The following C6orf89 variants were observed in gnomAD, a reference collection of about 807,000 sequenced individuals.
C6orf89 encodes bombesin receptor-activated protein C6orf89.
A neutral mutation model predicts 40.7 loss-of-function variants in C6orf89; 29 were observed. The ratio of observed to expected loss-of-function variants is 0.71; its 90% CI spans 0.53 to 0.97. The LOEUF is 0.97. Among genes scored for constraint, C6orf89 ranks in the 50% least tolerant of loss-of-function variants. The pLI is 0.00. For missense variants in C6orf89, 392 were observed against 429.1 expected (o/e 0.91, Z 0.76); for synonymous variants, 165 against 152.2 (o/e 1.08, Z -0.62).
At chr6:36,912,012 A>G (rs1382361065) in intron 4 of C6orf89, among the ~76,000 whole-genome samples, 1 of 141,594 alleles carries the variant, frequency 7.1e-6, no homozygotes, top group East Asian at 2.1e-4. Flanking sequence ...TCTCTCTTCT[A>G]GGGCACCCTA....
At chr6:36,905,284 C>T (rs1298102542) in intron 4 of C6orf89, among the ~76,000 whole-genome samples, 1 of 152,184 alleles carries the variant, frequency 6.6e-6, no homozygotes, top group Non-Finnish European at 1.5e-5. Context: ...GATTTGAACC[C>T]AGGCAGCCAG....
intron 1 of C6orf89, among the ~76,000 whole-genome samples, chr6:36,876,586 T>C (rs976637004): frequency 6.6e-6 from 1 of 152,002 alleles, no homozygotes; most frequent in Non-Finnish European, 1.5e-5. Context: ...AAGCTGGGCA[T>C]AGTGGTGCAT....
At chr6:36,915,159 A>T (rs1295877912) in intron 6 of C6orf89, among the ~76,000 whole-genome samples, 1 of 152,184 alleles carries the variant, frequency 6.6e-6, no homozygotes, top group Non-Finnish European at 1.5e-5. Flanking sequence ...GATAAAAGGG[A>T]TGGATGAAGA....
chr6:36,928,394 G>C lies in C6orf89; in HGVS notation c.*4953G>C, dbSNP rs186674707. On this transcript the variant is annotated 3_prime_UTR_variant, in exon 9 of 9. Coordinates refer to ENST00000480824, the MANE Select transcript of C6orf89 (RefSeq NM_001286635.2). Reference sequence around the variant, plus strand: ...CCCACAGCAGCTCCTTGGGGCAGGGGGCTCACCTGTGCAGCCACCCTTACT... The same window carrying C: ...CCCACAGCAGCTCCTTGGGGCAGGGCGCTCACCTGTGCAGCCACCCTTACT... 6.6e-6 allele frequency: 1 copy of C among 152,572 alleles called. No individual in the cohort carries two copies. Among genetic ancestry groups the C allele is most frequent in the Non-Finnish European group, 1.5e-5 (1 of 68,344 alleles). 9.5% of individuals were successfully genotyped at this position (152,572 alleles called of 1,614,324 possible). A position where few individuals can be genotyped will look rare whatever the true frequency, so the allele number is the denominator to read the frequency against.
chr6:36,874,395 G>T (rs1425045245), intron 1 of C6orf89, among the ~76,000 whole-genome samples: 7 of 152,148 alleles, frequency 4.6e-5, no homozygotes, highest in Non-Finnish European at 1.0e-4. Flanking sequence ...ATCTACCTCT[G>T]TATCCTCAGA....
chr6:36,901,451 C>T (rs1030806352), intron 3 of C6orf89, among the ~76,000 whole-genome samples: 4 of 145,670 alleles, frequency 2.7e-5, no homozygotes, highest in Admixed American at 2.1e-4. Context: ...TCTCCTGCCT[C>T]AGCCTCCTGA....
rs1360137634 is a variant in C6orf89, at chr6:36,928,749, G to C, written c.*5308G>C. ...AGCTGCAGCTCTCCTTCCGGGAGCA[G>C]GGTGTGGTGGCCCTGGATGGTCCCA... On this transcript the variant is annotated 3_prime_UTR_variant, in exon 9 of 9. Transcript: ENST00000480824. The C allele has an allele frequency of 6.6e-6, 1 of 152,314 alleles. No individual in the cohort carries two copies. The highest frequency in any genetic ancestry group is 2.4e-5 in the African/African-American group (1 of 41,432). The allele number at this position is 152,314 out of a possible 1,614,324, so 9.4% of individuals were successfully genotyped here.
At chr6:36,899,060 G>T (rs1284809847) in intron 2 of C6orf89, among the ~76,000 whole-genome samples, 1 of 151,878 alleles carries the variant, frequency 6.6e-6, no homozygotes, top group Non-Finnish European at 1.5e-5. Context: ...TTTATTTTAA[G>T]GAATCTCCAG....
At chr6:36,897,229 A>T (rs559859223) in intron 2 of C6orf89, among the ~76,000 whole-genome samples, 48 of 152,236 alleles carry the variant, frequency 3.2e-4, no homozygotes, top group African/African-American at 8.7e-4. Context: ...TGAAAATAAT[A>T]CATTAAAAAT....
intron 4 of C6orf89, among the ~76,000 whole-genome samples, chr6:36,907,311 T>G (rs1341915708): frequency 2.0e-5 from 3 of 148,804 alleles, no homozygotes; most frequent in African/African-American, 7.4e-5. Flanking sequence ...TTTTGTTTTG[T>G]TTTTGCCAGG....
chr6:36,914,224 C>T, intron 4 of C6orf89, 60 bp from the exon 5 acceptor site: 4 of 1,414,548 alleles, frequency 2.8e-6, no homozygotes, highest in Non-Finnish European at 3.9e-6. Flanking sequence ...GTTGGAGCTA[C>T]TGGATGTACC....
At chr6:36,889,582 C>CAAAAAAAAAAAA (rs58417436) in intron 1 of C6orf89, among the ~76,000 whole-genome samples, 2 of 140,510 alleles carry the variant, frequency 1.4e-5, no homozygotes, top group African/African-American at 2.6e-5. Flanking sequence ...AAAACAAAAA[C>CAAAAAAAAAAAA]AAAAAAAAAA....
At chr6:36,874,945 T>C (rs1774612095) in intron 1 of C6orf89, 1 of 669,160 alleles carries the variant, frequency 1.5e-6, no homozygotes, top group Non-Finnish European at 2.5e-6. Context: ...GAAGCTGGGG[T>C]GGGAGACGAG....
At chr6:36,886,148 C>G in intron 1 of C6orf89, 120 bp downstream of exon 1, 1 of 920,244 alleles carries the variant, frequency 1.1e-6, no homozygotes, top group Non-Finnish European at 1.4e-6. Context: ...TCTATCCCAG[C>G]GCGGATCCCT....
intron 4 of C6orf89, among the ~76,000 whole-genome samples, chr6:36,904,205 G>A (rs1284262372): frequency 2.6e-5 from 4 of 152,214 alleles, no homozygotes; most frequent in African/African-American, 9.6e-5. Flanking sequence ...GTTGAACTGA[G>A]AAATGGGGCA....
chr6:36,901,479 C>T (rs1406480647), intron 3 of C6orf89, among the ~76,000 whole-genome samples: 5 of 147,494 alleles, frequency 3.4e-5, no homozygotes, highest in Admixed American at 6.8e-5. Context: ...AGACTACAGG[C>T]GCCCATCACC....
chr6:36,927,286 AG>A lies in C6orf89; in HGVS notation c.*3846del, dbSNP rs1762713139. The stretch of plus-strand genomic sequence containing the variant: ...TTTAAAACAAAAACTCACATTTCTT[AG>A]CTGCAGGTGATGGCCTCAGTCATTT... On this transcript the variant is annotated 3_prime_UTR_variant, in exon 9 of 9. Transcript: ENST00000480824. 4 of 152,344 alleles carry A rather than the reference AG, an allele frequency of 2.6e-5. No individual in the cohort carries two copies. The South Asian group carries it at 8.3e-4, about 32-fold the overall frequency. The allele number at this position is 152,344 out of a possible 1,614,324, so 9.4% of individuals were successfully genotyped here.
intron 1 of C6orf89, among the ~76,000 whole-genome samples, chr6:36,874,429 T>A (rs1214158834): frequency 6.6e-6 from 1 of 152,218 alleles, no homozygotes; most frequent in Non-Finnish European, 1.5e-5. Flanking sequence ...ATGCCTGGCT[T>A]GCGGACTCAT....
chr6:36,877,199 T>C (rs1774682941), intron 1 of C6orf89, among the ~76,000 whole-genome samples: 1 of 152,330 alleles, frequency 6.6e-6, no homozygotes, highest in South Asian at 2.1e-4. Context: ...CTGCGATGGA[T>C]ATTTTGTGTA....
Sources: allele counts gnomAD v4.1 joint callset (sites outside exome capture counted in the v4.1 genomes callset), GRCh38; gene constraint gnomAD v4.1.1; transcripts MANE v1.5; gene names NCBI Gene and HGNC (gene_info 2026-07-23, HGNC 2026-07-21).